Variants in RTN4IP1 observed in about 807,000 individuals in gnomAD.
RTN4IP1 encodes reticulon 4 interacting protein 1, also known as NAD(P)H oxidoreductase RTN4IP1, mitochondrial.
Under a neutral mutation model 46.6 loss-of-function variants are expected in RTN4IP1, and 32 were observed. The ratio of observed to expected loss-of-function variants is 0.69; its 90% CI spans 0.52 to 0.92. The LOEUF (loss-of-function observed/expected upper bound fraction) is 0.92, where lower values mean the gene tolerates loss of function less well. Among genes scored for constraint, RTN4IP1 ranks in the 40% least tolerant of loss-of-function variants. The probability of loss-of-function intolerance (pLI) is 0.00; values close to 1 mark genes in which losing one functional copy is unlikely to be tolerated. For synonymous variants in RTN4IP1, 167 were observed against 161.8 expected (o/e 1.03, Z -0.24); for missense variants, 424 against 485.8 (o/e 0.87, Z 1.20).
chr6:106,614,987 T>C (rs1342198864), intron 4 of RTN4IP1, among the ~76,000 whole-genome samples: 2 of 53,808 alleles, frequency 3.7e-5, no homozygotes, highest in Non-Finnish European at 6.5e-5. Flanking sequence ...CCCTGGAAAA[T>C]AGACCTGAAG....
rs985490706 is a variant in RTN4IP1, at chr6:106,583,184, T to A, written c.1083+144A>T. On this transcript the variant is annotated intron_variant, in intron 8 of 8. Coordinates refer to ENST00000369063, the MANE Select transcript of RTN4IP1 (RefSeq NM_032730.5). ...GAGACAGAACCAAAGACATAGCATG[T>A]AAACTTGGCCATGTAAGGCAGCACA... The A allele has an allele frequency of 2.3e-5, 14 of 613,466 alleles. No individual in the cohort carries two copies. In the African/African-American group the frequency reaches 2.6e-4, roughly 11 times the overall value. The allele number at this position is 613,466 out of a possible 1,614,324, so 38.0% of individuals were successfully genotyped here.
intron 1 of RTN4IP1, among the ~76,000 whole-genome samples, chr6:106,628,219 G>A (rs115762626): frequency 0.019 from 2,894 of 152,150 alleles, 75 homozygotes; most frequent in African/African-American, 0.067. Context: ...TGTAATCCCA[G>A]CACTTAGGGG....
chr6:106,581,666 G>A (rs1174039888), intron 8 of RTN4IP1, among the ~76,000 whole-genome samples: 1 of 152,158 alleles, frequency 6.6e-6, no homozygotes, highest in African/African-American at 2.4e-5. Context: ...ATACTTCAAG[G>A]ACATCTTTTT....
chr6:106,629,042 C>T lies in RTN4IP1; in HGVS notation c.-21G>A. The T allele has an allele frequency of 6.3e-7, 1 of 1,591,850 alleles. No individual in the cohort carries two copies. Among genetic ancestry groups the T allele is most frequent in the Non-Finnish European group, 8.6e-7 (1 of 1,167,982 alleles). On this transcript the variant is annotated 5_prime_UTR_variant, in exon 1 of 9. Coordinates refer to ENST00000369063, the MANE Select transcript of RTN4IP1 (RefSeq NM_032730.5). ...TCCATTGTAAACACTGGTTGAACTG[C>T]GTGCTCAAATTCAAATACACTTGGA...
intron 4 of RTN4IP1, among the ~76,000 whole-genome samples, chr6:106,610,797 A>G (rs1776204553): frequency 6.6e-6 from 1 of 152,194 alleles, no homozygotes; most frequent in Non-Finnish European, 1.5e-5. Flanking sequence ...TATTTTTTAA[A>G]TATGGAGAAA....
intron 8 of RTN4IP1, among the ~76,000 whole-genome samples, chr6:106,574,825 G>A (rs960245299): frequency 5.9e-5 from 9 of 152,182 alleles, no homozygotes; most frequent in Non-Finnish European, 1.3e-4. Flanking sequence ...AGCTCTGACC[G>A]GGGACACAGA....
chr6:106,574,443 CA>C (rs111444349), intron 8 of RTN4IP1, among the ~76,000 whole-genome samples: 24,449 of 136,212 alleles, frequency 0.18, 2,437 homozygotes, highest in African/African-American at 0.31. Flanking sequence ...ACTCTGTCTC[CA>C]AAAAAAAAAA....
At chr6:106,614,689 C>G (rs572589119) in intron 4 of RTN4IP1, among the ~76,000 whole-genome samples, 2 of 152,260 alleles carry the variant, frequency 1.3e-5, no homozygotes, top group East Asian at 3.9e-4. Flanking sequence ...AAGTGTTCAA[C>G]AATGCCAGCT....
intron 8 of RTN4IP1, among the ~76,000 whole-genome samples, chr6:106,572,838 T>C (rs1775110045): frequency 6.6e-6 from 1 of 152,194 alleles, no homozygotes; most frequent in Admixed American, 6.5e-5. Context: ...AACCAGAGCA[T>C]AAAGTACTTG....
At chr6:106,626,556 T>A (rs1048222370) in intron 1 of RTN4IP1, among the ~76,000 whole-genome samples, 1 of 152,218 alleles carries the variant, frequency 6.6e-6, no homozygotes, top group Non-Finnish European at 1.5e-5. Flanking sequence ...CTCTTTGAGA[T>A]ACAGAGCCTG....
rs375110838 is a variant in RTN4IP1 at position 106,622,794 on chromosome 6, G to A, written c.426+24C>T. ...GGGTCTGTGGGTTGGATCCCCGCAG[G>A]AATAGTGGCATTCCCTAACTCACCT... On this transcript the variant is annotated intron_variant, in intron 2 of 8. Transcript: ENST00000369063. 1.4e-4 allele frequency: 221 copies of A among 1,603,176 alleles called. 1 individual carries two copies. The highest frequency in any genetic ancestry group is 1.7e-4 in the Non-Finnish European group (205 of 1,174,058).
At chr6:106,579,482 A>G (rs777804606) in intron 8 of RTN4IP1, among the ~76,000 whole-genome samples, 8 of 152,178 alleles carry the variant, frequency 5.3e-5, no homozygotes, top group Non-Finnish European at 8.8e-5. Context: ...TCTCCAGGAA[A>G]AACAGACTGT....
intron 1 of RTN4IP1, among the ~76,000 whole-genome samples, chr6:106,626,250 T>G (rs1776639960): frequency 6.6e-6 from 1 of 151,930 alleles, no homozygotes; most frequent in Admixed American, 6.6e-5. Context: ...GGATAAAGTG[T>G]TTGAAAGGTG....
At chr6:106,613,904 T>C (rs1298619607) in intron 4 of RTN4IP1, among the ~76,000 whole-genome samples, 1 of 152,218 alleles carries the variant, frequency 6.6e-6, no homozygotes, top group East Asian at 1.9e-4. Context: ...TTCAACCAAC[T>C]GCCAATCGGA....
rs1005306987 is a variant in RTN4IP1 at position 106,612,443 on chromosome 6, C to T, written c.620+6759G>A. 7.3e-5 allele frequency among the ~76,000 whole-genome samples: 9 copies of T among 122,862 alleles called. No homozygotes were observed. In the South Asian group the frequency reaches 2.5e-3, roughly 34 times the overall value. The allele number at this position is 122,862 out of a possible 152,430, so 80.6% of individuals were successfully genotyped here. ...TGATGGGTGACAATAGGGCATAAGA[C>T]AGAGAGAAGTAGTGAGGTCAGAGGA... On this transcript the variant is annotated intron_variant, in intron 4 of 8. Transcript: ENST00000369063.
chr6:106,627,898 G>A (rs1267194054), intron 1 of RTN4IP1, among the ~76,000 whole-genome samples: 3 of 141,288 alleles, frequency 2.1e-5, no homozygotes, highest in Non-Finnish European at 4.6e-5. Context: ...TGAAACTCCC[G>A]TTTCTATAAA....
chr6:106,624,641 CTTTTTA>C (rs2114684433), intron 1 of RTN4IP1, among the ~76,000 whole-genome samples: 1 of 145,404 alleles, frequency 6.9e-6, no homozygotes, highest in African/African-American at 2.5e-5. Context: ...TGGCCCATAT[CTTTTTA>C]TTTTTAAGAC....
chr6:106,574,443 C>CA (rs111444349), intron 8 of RTN4IP1, among the ~76,000 whole-genome samples: 6,148 of 136,104 alleles, frequency 0.045, 171 homozygotes, highest in Non-Finnish European at 0.066. Context: ...ACTCTGTCTC[C>CA]AAAAAAAAAA....
chr6:106,576,838 A>G (rs1045719482), intron 8 of RTN4IP1, among the ~76,000 whole-genome samples: 2 of 152,210 alleles, frequency 1.3e-5, no homozygotes, highest in African/African-American at 2.4e-5. Flanking sequence ...TCACTGCACA[A>G]AGTTCTAGAG....
Sources: allele counts gnomAD v4.1 joint callset (sites outside exome capture counted in the v4.1 genomes callset), GRCh38; gene constraint gnomAD v4.1.1; transcripts MANE v1.5; gene names NCBI Gene and HGNC (gene_info 2026-07-23, HGNC 2026-07-21).